Variants in DLG2 observed in about 807,000 individuals in gnomAD.
DLG2 encodes the protein disks large homolog 2.
DLG2 carries 45 observed loss-of-function variants against 132.5 expected under a neutral mutation model. That is an observed-to-expected ratio of 0.34 (90% CI 0.27 to 0.44). DLG2 has a LOEUF of 0.44. Among genes scored for constraint, DLG2 ranks in the 20% least tolerant of loss-of-function variants. The probability of loss-of-function intolerance (pLI) is 1.00; values close to 1 mark genes in which losing one functional copy is unlikely to be tolerated. For synonymous variants in DLG2, 424 were observed against 419.6 expected (o/e 1.01, Z -0.13); for missense variants, 1,045 against 1,196.9 (o/e 0.87, Z 1.87).
At position 84,782,754 on chromosome 11, in the gene DLG2, C is replaced by A. The variant is rs140475567; in HGVS notation, c.358-248023G>T. ...TCATAAAAAACATATCTTCTTTACACTCTTCTTTGCAAAATTTTATAATAT... is the reference window on the plus strand; with the variant it reads ...TCATAAAAAACATATCTTCTTTACAATCTTCTTTGCAAAATTTTATAATAT... On this transcript the variant is annotated intron_variant, in intron 6 of 27. Transcript: ENST00000376104. Among the ~76,000 whole-genome samples the A allele has an allele frequency of 1.7e-3, 259 of 152,280 alleles. 1 individual carries two copies. The highest frequency in any genetic ancestry group is 5.8e-3 in the African/African-American group (239 of 41,546).
intron 11 of DLG2, among the ~76,000 whole-genome samples, chr11:84,038,292 A>G (rs2095931502): frequency 6.6e-6 from 1 of 152,056 alleles, no homozygotes; most frequent in South Asian, 2.1e-4. Context: ...AAGTTAAACA[A>G]ATTTACAAGA....
intron 7 of DLG2, among the ~76,000 whole-genome samples, chr11:84,457,068 C>T (rs922580857): frequency 1.3e-5 from 2 of 151,156 alleles, no homozygotes; most frequent in Non-Finnish European, 3.0e-5. Flanking sequence ...AGCAATTTAA[C>T]TAAGTGGGCA....
At chr11:84,456,918 T>C (rs1602457844) in intron 7 of DLG2, among the ~76,000 whole-genome samples, 1 of 151,388 alleles carries the variant, frequency 6.6e-6, no homozygotes, top group Non-Finnish European at 1.5e-5. Context: ...AACCACTTGT[T>C]ATAAGTTAGT....
chr11:84,784,355 A>AATAG (rs1169933928), intron 6 of DLG2, among the ~76,000 whole-genome samples: 1 of 147,398 alleles, frequency 6.8e-6, no homozygotes, highest in Non-Finnish European at 1.5e-5. Flanking sequence ...TAAATAAATA[A>AATAG]ATAAATAAAT....
intron 6 of DLG2, among the ~76,000 whole-genome samples, chr11:84,802,865 T>A (rs1348017136): frequency 6.6e-6 from 1 of 152,166 alleles, no homozygotes; most frequent in African/African-American, 2.4e-5. Flanking sequence ...AGAGGCGCGA[T>A]CTCGGCTCAC....
intron 18 of DLG2, among the ~76,000 whole-genome samples, chr11:83,642,902 A>G (rs1490211287): frequency 6.6e-6 from 1 of 152,096 alleles, no homozygotes; most frequent in African/African-American, 2.4e-5. Context: ...AGATTTTTTG[A>G]AAGGTAAATG....
chr11:84,919,897 G>C (rs928655548), intron 6 of DLG2, among the ~76,000 whole-genome samples: 1 of 152,104 alleles, frequency 6.6e-6, no homozygotes, highest in Admixed American at 6.5e-5. Flanking sequence ...TGATCACATT[G>C]CTTCTTTTTA....
At chr11:84,843,866 G>A (rs1179807289) in intron 6 of DLG2, among the ~76,000 whole-genome samples, 5 of 151,258 alleles carry the variant, frequency 3.3e-5, no homozygotes, top group Admixed American at 6.6e-5. Context: ...AAAGCTGACT[G>A]TGTGTGTATA....
chr11:83,854,825 A>T (rs1000166519), intron 16 of DLG2, among the ~76,000 whole-genome samples: 4 of 152,158 alleles, frequency 2.6e-5, no homozygotes, highest in Non-Finnish European at 4.4e-5. Context: ...TTTTATTAAA[A>T]TAAAAACAGT....
chr11:84,543,392 G>T (rs1484542688), intron 6 of DLG2, among the ~76,000 whole-genome samples: 1 of 152,076 alleles, frequency 6.6e-6, no homozygotes, highest in Non-Finnish European at 1.5e-5. Context: ...TCTGCACACC[G>T]CACACTGCTC....
chr11:83,522,972 G>T (rs2095520926), intron 21 of DLG2, among the ~76,000 whole-genome samples: 1 of 152,064 alleles, frequency 6.6e-6, no homozygotes, highest in Non-Finnish European at 1.5e-5. Context: ...ATAGTTAAGA[G>T]GCAAGATATA....
At chr11:85,395,314 T>C (rs1351275044) in intron 3 of DLG2, among the ~76,000 whole-genome samples, 1 of 152,186 alleles carries the variant, frequency 6.6e-6, no homozygotes, top group Non-Finnish European at 1.5e-5. Context: ...GGAACAGCTC[T>C]GGTCTGCAGC....
intron 3 of DLG2, among the ~76,000 whole-genome samples, chr11:85,296,873 G>C (rs1174354921): frequency 6.7e-6 from 1 of 149,556 alleles, no homozygotes; most frequent in African/African-American, 2.4e-5. Context: ...TTATAATTAT[G>C]ATGTAATTTT....
At chr11:84,885,782 A>C (rs890354120) in intron 6 of DLG2, among the ~76,000 whole-genome samples, 2 of 152,106 alleles carry the variant, frequency 1.3e-5, no homozygotes, top group African/African-American at 4.8e-5. Flanking sequence ...TTTAGGATAC[A>C]ACGTTCCAAG....
intron 2 of DLG2, among the ~76,000 whole-genome samples, chr11:85,609,799 G>A (rs577809260): frequency 1.3e-5 from 2 of 152,288 alleles, no homozygotes; most frequent in South Asian, 4.1e-4. Context: ...GGCCTTCTCA[G>A]TGTTAATCTC....
At chr11:85,185,193 A>G (rs2152519866) in intron 4 of DLG2, among the ~76,000 whole-genome samples, 1 of 152,102 alleles carries the variant, frequency 6.6e-6, no homozygotes, top group East Asian at 1.9e-4. Flanking sequence ...ATGGTGCAAA[A>G]GCCAATTTCA....
At chr11:83,624,924 G>A (rs1341508689) in intron 19 of DLG2, among the ~76,000 whole-genome samples, 3 of 152,076 alleles carry the variant, frequency 2.0e-5, no homozygotes, top group African/African-American at 7.2e-5. Context: ...AACTGTTTCA[G>A]GTACCTGATC....
At chr11:84,953,747 A>G (rs979150017) in intron 6 of DLG2, among the ~76,000 whole-genome samples, 1 of 152,160 alleles carries the variant, frequency 6.6e-6, no homozygotes, top group African/African-American at 2.4e-5. Flanking sequence ...ATGCAAAACT[A>G]ATCATATCAT....
chr11:85,324,969 G>C (rs1366756546), intron 3 of DLG2, among the ~76,000 whole-genome samples: 1 of 147,418 alleles, frequency 6.8e-6, no homozygotes, highest in Non-Finnish European at 1.5e-5. Flanking sequence ...GGAAGCGCAA[G>C]GGGTCAGGGA....
Sources: allele counts gnomAD v4.1 joint callset (sites outside exome capture counted in the v4.1 genomes callset), GRCh38; gene constraint gnomAD v4.1.1; transcripts MANE v1.5; gene names NCBI Gene and HGNC (gene_info 2026-07-23, HGNC 2026-07-21).